KMT2A: variants seen among roughly 807,000 people sequenced by gnomAD.
KMT2A encodes histone-lysine N-methyltransferase 2A.
A neutral mutation model predicts 345.3 loss-of-function variants in KMT2A; 16 were observed. The observed-to-expected ratio is 0.05, with a 90% CI of 0.03 to 0.07. The LOEUF is 0.07. Ranked by LOEUF, KMT2A falls within the 10% of genes least tolerant of loss-of-function variation. The probability of loss-of-function intolerance (pLI) is 1.00; values close to 1 mark genes in which losing one functional copy is unlikely to be tolerated. For missense variants in KMT2A, 3,272 were observed against 4,841.6 expected, an observed-to-expected ratio of 0.68 and a Z score of 9.62; for synonymous variants, 1,599 against 1,778.6, an observed-to-expected ratio of 0.90 and a Z score of 2.54.
chr11:118,521,760 C>A lies in KMT2A; in HGVS notation c.11644-137C>A. The A allele has an allele frequency of 1.1e-6, 1 of 885,844 alleles. No homozygotes were observed. Among genetic ancestry groups the A allele is most frequent in the Non-Finnish European group, 1.7e-6 (1 of 586,702 alleles). The allele number at this position is 885,844 out of a possible 1,614,324, so 54.9% of individuals were successfully genotyped here. A position where few individuals can be genotyped will look rare whatever the true frequency, so the allele number is the denominator to read the frequency against. On this transcript the variant is annotated intron_variant, in intron 35 of 35. Coordinates refer to ENST00000534358, the MANE Select transcript of KMT2A (RefSeq NM_001197104.2). The surrounding 1 kb of genome is among the most constrained non-coding windows in gnomAD (Gnocchi z 5.3). ...CGTGGAAGCATCTTGAAAGATAGTA[C>A]TGGGAGAAATCTGGAAATTTTACTA...
In KMT2A at chr11:118,473,280, T is replaced by A; in HGVS notation, c.2121T>A (p.Ala707=). ...LRAPRFTPSE[A]HSRIFESVTL... ...CTCCAAGATTTACTCCAAGTGAGGC[T>A]CACTCTAGAATATTTGAGTCTGTAA... Residue 707 remains alanine (A), a synonymous_variant, in exon 3 of 36, where the codon GCT becomes GCA. Coordinates refer to ENST00000534358, the MANE Select transcript of KMT2A (RefSeq NM_001197104.2). This position sits in a 1 kb window ranked among gnomAD's most constrained non-coding sequence, Gnocchi z 5.2. 6.2e-7 allele frequency: 1 copy of A among 1,612,750 alleles called. No homozygotes were observed.
At chr11:118,450,468 T>C in intron 1 of KMT2A, 1 of 152,308 alleles carries the variant, frequency 6.6e-6, no homozygotes. Flanking sequence ...ACTACCTATT[T>C]CTCTAGTTAC....
chr11:118,446,583 C>T (rs1459647097), intron 1 of KMT2A, among the ~76,000 whole-genome samples: 1 of 152,146 alleles, frequency 6.6e-6, no homozygotes, highest in East Asian at 1.9e-4. Context: ...CACTCACATC[C>T]AATCAATTTC....
In KMT2A at chr11:118,506,267, A is replaced by G. The variant is rs782596573; in HGVS notation, c.10375A>G (p.Asn3459Asp). ...CGAACACTATCAGCTTCAGCATGTG[A>G]ACCAGCTCCTTGCCAGCAAAACTGG... ...ADEHYQLQHV[N>D]QLLASKTGIH... Residue 3459 changes from asparagine (N) to aspartate (D), a missense_variant, in exon 27 of 36, where the codon AAC (asparagine) becomes GAC (aspartate). Physicochemically the swap from Asn to Asp is conservative, Grantham distance 23. Transcript: ENST00000534358. The G allele has an allele frequency of 2.2e-5, 36 of 1,614,070 alleles. No homozygotes were observed. In the Admixed American group the frequency reaches 6.0e-4, roughly 27 times the overall value.
chr11:118,501,687 A>C lies in KMT2A; in HGVS notation c.6335A>C (p.Glu2112Ala), dbSNP rs782633253. Residue 2112 changes from glutamate (E) to alanine (A), a missense_variant, in exon 26 of 36, where the codon GAG becomes GCG. Glu to Ala is a moderately radical substitution (Grantham distance 107). Around this residue, in one of 27 missense-constraint regions of KMT2A, gnomAD observed 66 missense variants for 73.9 expected, o/e 0.89. Transcript: ENST00000534358. ...PTSFTESSSKESQNTAEIISP... is the reference protein window; with the variant it reads ...PTSFTESSSKASQNTAEIISP... ...CCTGCCACAGAAAGTTCATCAAAAG[A>C]GAGTCAAAACACAGCTGAAATTATA... 1 of 1,610,628 alleles carries C rather than the reference A, an allele frequency of 6.2e-7. No individual in the cohort carries two copies. Among genetic ancestry groups the C allele is most frequent in the African/African-American group, 1.3e-5 (1 of 74,850 alleles).
At position 118,498,292 on chromosome 11, in the gene KMT2A, T is replaced by C; in HGVS notation, c.5803-78T>C. ...GAATTGTAGGAACTGTAGAATGGGA[T>C]GAGTCTATAGAGGAGACGGTAAACG... On this transcript the variant is annotated intron_variant, in intron 21 of 35. Transcript: ENST00000534358. The surrounding 1 kb of genome is among the most constrained non-coding windows in gnomAD (Gnocchi z 4.4). 1 of 1,333,782 alleles carries C rather than the reference T, an allele frequency of 7.5e-7. No individual in the cohort carries two copies. Among genetic ancestry groups the C allele is most frequent in the South Asian group, 1.4e-5 (1 of 73,136 alleles). 82.6% of individuals were successfully genotyped at this position (1,333,782 alleles called of 1,614,324 possible). A position where few individuals can be genotyped will look rare whatever the true frequency, so the allele number is the denominator to read the frequency against.
intron 5 of KMT2A, among the ~76,000 whole-genome samples, chr11:118,478,534 G>A (rs1950077279): frequency 6.6e-6 from 1 of 152,184 alleles, no homozygotes; most frequent in African/African-American, 2.4e-5. Context: ...GAACCACACT[G>A]TTTATTTCGT....
rs576332588 is a variant in KMT2A at position 118,523,150 on chromosome 11, G to C, written c.*978G>C. On this transcript the variant is annotated 3_prime_UTR_variant, in exon 36 of 36. Transcript: ENST00000534358. ...TATGTAGCATGATTTTGTAGGAGAG[G>C]AAAAAGATTATTTAAATAGGATTTA... is the stretch of plus-strand genomic sequence containing the variant. 3 of 227,436 alleles carry C rather than the reference G, an allele frequency of 1.3e-5. No individual in the cohort carries two copies. Among genetic ancestry groups the C allele is most frequent in the African/African-American group, 6.7e-5 (3 of 45,098 alleles). 14.1% of individuals were successfully genotyped at this position (227,436 alleles called of 1,614,324 possible).
Position 118,503,771 on chromosome 11 carries a change from C to T in KMT2A, c.7879C>T (p.Arg2627Cys), listed in dbSNP as rs1555046878. 1.2e-6 allele frequency: 2 copies of T among 1,614,048 alleles called. No individual in the cohort carries two copies. The highest frequency in any genetic ancestry group is 1.3e-5 in the African/African-American group (1 of 74,898). The change falls in exon 27 of 36, where the codon CGT becomes TGT. Residue 2627 changes from arginine to cysteine, a missense_variant. By Grantham distance (180) the Arg-to-Cys change is radical. Coordinates refer to ENST00000534358, the MANE Select transcript of KMT2A (RefSeq NM_001197104.2). The surrounding 1 kb of genome is among the most constrained non-coding windows in gnomAD (Gnocchi z 5.3). The stretch of plus-strand genomic sequence containing the variant: ...GTATCCCCGTCGCAGTGCCCGTGCA[C>T]GTTCTAACATGTTTTTTGGGCTTAC... ...RRYPRRSARA[R>C]SNMFFGLTPL...
In KMT2A at chr11:118,522,372, A is replaced by G; in HGVS notation, c.*200A>G. ...CAGAGACAGAGTTGAGGTCTCGAAG[A>G]AAAGATCCATGATCGGCTTTCTCCT... On this transcript the variant is annotated 3_prime_UTR_variant, in exon 36 of 36. Transcript: ENST00000534358. This position sits in a 1 kb window ranked among gnomAD's most constrained non-coding sequence, Gnocchi z 5.4. 2 of 578,142 alleles carry G rather than the reference A, an allele frequency of 3.5e-6. No individual in the cohort carries two copies. Among genetic ancestry groups the G allele is most frequent in the South Asian group, 4.7e-5 (2 of 42,972 alleles). 35.8% of individuals were successfully genotyped at this position (578,142 alleles called of 1,614,324 possible).
chr11:118,501,520 C>A, intron 25 of KMT2A, 152 bp from the exon 26 acceptor site: 2 of 633,520 alleles, frequency 3.2e-6, no homozygotes, highest in Non-Finnish European at 5.4e-6. Flanking sequence ...TCAGGGAGTA[C>A]TATGATTGAA....
At position 118,524,973 on chromosome 11, in the gene KMT2A, CCT is replaced by C; in HGVS notation, c.*2802_*2803del. 4.7e-6 allele frequency: 1 copy of C among 210,700 alleles called. No individual in the cohort carries two copies. Among genetic ancestry groups the C allele is most frequent in the Non-Finnish European group, 9.7e-6 (1 of 103,552 alleles). The allele number at this position is 210,700 out of a possible 1,614,324, so 13.1% of individuals were successfully genotyped here. On this transcript the variant is annotated 3_prime_UTR_variant, in exon 36 of 36. Transcript: ENST00000534358. ...GATGGTTTGCCTTGCCTTTCCACCC[CCT>C]AATTGTCAACCACAAAAATGAGAAA...
chr11:118,526,236 C>T lies in KMT2A; in HGVS notation c.*4064C>T, dbSNP rs142585619. The T allele has an allele frequency of 1.7e-4, 38 of 218,984 alleles. No individual in the cohort carries two copies. The highest frequency in any genetic ancestry group is 8.5e-4 in the African/African-American group (38 of 44,624). The allele number at this position is 218,984 out of a possible 1,614,324, so 13.6% of individuals were successfully genotyped here. A position where few individuals can be genotyped will look rare whatever the true frequency, so the allele number is the denominator to read the frequency against. ...GGTGTCACCTGGATTTTTTTCTGCCCATGAATGTTGCCAGTCAGTACCTGT... is the reference window on the plus strand; with the variant it reads ...GGTGTCACCTGGATTTTTTTCTGCCTATGAATGTTGCCAGTCAGTACCTGT... On this transcript the variant is annotated 3_prime_UTR_variant, in exon 36 of 36. Coordinates refer to ENST00000534358, the MANE Select transcript of KMT2A (RefSeq NM_001197104.2).
Position 118,506,601 on chromosome 11 carries a change from C to T in KMT2A, c.10709C>T (p.Ala3570Val), listed in dbSNP as rs781803942. 1 of 1,613,002 alleles carries T rather than the reference C, an allele frequency of 6.2e-7. No individual in the cohort carries two copies. The highest frequency in any genetic ancestry group is 1.3e-5 in the African/African-American group (1 of 75,012). The change falls in exon 27 of 36, where the codon GCA (alanine) becomes GTA (valine). Residue 3570 changes from alanine (A) to valine (V), a missense_variant. Ala to Val is a moderately conservative substitution (Grantham distance 64). Transcript: ENST00000534358. ...CATTTGCGGACCAGTTCTTCTGAAG[C>T]ACACATTCCAGACCAAGAAACGACA... ...VSHLRTSSSE[A>V]HIPDQETTSL...
At chr11:118,450,595 A>G (rs1555028555) in intron 1 of KMT2A, 2 of 152,228 alleles carry the variant, frequency 1.3e-5, no homozygotes, top group African/African-American at 4.8e-5. Context: ...GTTGTTATTG[A>G]AGAACAGAGA....
At chr11:118,461,437 A>G (rs1427994643) in intron 1 of KMT2A, among the ~76,000 whole-genome samples, 2 of 152,204 alleles carry the variant, frequency 1.3e-5, no homozygotes, top group Non-Finnish European at 2.9e-5. Context: ...GCTAAATATG[A>G]GTTAACAGTA....
At chr11:118,466,251 G>T (rs1949841942) in intron 1 of KMT2A, among the ~76,000 whole-genome samples, 1 of 152,016 alleles carries the variant, frequency 6.6e-6, no homozygotes, top group Admixed American at 6.6e-5. Flanking sequence ...CATTGCTAGA[G>T]CCCAGGAGTT....
chr11:118,454,522 T>A (rs566455935), intron 1 of KMT2A, among the ~76,000 whole-genome samples: 28 of 152,348 alleles, frequency 1.8e-4, no homozygotes, highest in African/African-American at 6.7e-4. Context: ...ATGGCCTCTG[T>A]TGAAACTACT....
At position 118,473,761 on chromosome 11, in the gene KMT2A, G is replaced by A. The variant is rs782640926; in HGVS notation, c.2602G>A (p.Val868Met). ...CAAAGATCGAGATGCTGACAAGAGCGTGGAGAAGGACAAGAGTAGAGAGAG... is the reference window on the plus strand; with the variant it reads ...CAAAGATCGAGATGCTGACAAGAGCATGGAGAAGGACAAGAGTAGAGAGAG... ...LSKDRDADKS[V>M]EKDKSRERDR... Residue 868 changes from valine (V) to methionine (M), a missense_variant, in exon 3 of 36, where the codon GTG becomes ATG. By Grantham distance (21) the Val-to-Met change is conservative (BLOSUM62 1). Coordinates refer to ENST00000534358, the MANE Select transcript of KMT2A (RefSeq NM_001197104.2). The surrounding 1 kb of genome is among the most constrained non-coding windows in gnomAD (Gnocchi z 5.2). 13 of 1,613,798 alleles carry A rather than the reference G, an allele frequency of 8.1e-6. No individual in the cohort carries two copies. The highest frequency in any genetic ancestry group is 3.3e-5 in the South Asian group (3 of 91,066).
Sources: gnomAD v4.1 joint callset for allele counts (sites outside exome capture counted in the v4.1 genomes callset) on GRCh38, gnomAD v4.1.1 for gene constraint, gnomAD v4.1.1 regional missense constraint, Gnocchi (gnomAD v3.1) non-coding constraint, MANE v1.5 for transcripts, NCBI Gene and HGNC (gene_info 2026-07-23, HGNC 2026-07-21) for gene names.